SEMA3A: variants seen among roughly 807,000 people sequenced by gnomAD.
SEMA3A encodes semaphorin 3A, also known as semaphorin-3A.
In SEMA3A, 29 loss-of-function variants were observed where a neutral mutation model predicts 97.9. The ratio of observed to expected loss-of-function variants is 0.30; its 90% CI spans 0.22 to 0.40. The LOEUF (loss-of-function observed/expected upper bound fraction) is 0.40, where lower values mean the gene tolerates loss of function less well. Among genes scored for constraint, SEMA3A ranks in the 10% least tolerant of loss-of-function variants. The pLI, the probability that SEMA3A is intolerant of heterozygous loss-of-function variation, is 1.00. For missense variants in SEMA3A, 763 were observed against 951.3 expected (o/e 0.80, Z 2.60); for synonymous variants, 321 against 323.7 (o/e 0.99, Z 0.09).
At chr7:84,104,310 C>CA (rs2115913000) in intron 4 of SEMA3A, among the ~76,000 whole-genome samples, 1 of 152,052 alleles carries the variant, frequency 6.6e-6, no homozygotes, top group African/African-American at 2.4e-5. Flanking sequence ...TAAATTTGTC[C>CA]AAATACTTTA....
chr7:84,225,981 G>A (rs1037260256), intron 3 of SEMA3A, among the ~76,000 whole-genome samples: 1 of 152,030 alleles, frequency 6.6e-6, no homozygotes, highest in Admixed American at 6.6e-5. Context: ...TCCCCTGAGA[G>A]CACAAGTGAA....
intron 1 of SEMA3A, among the ~76,000 whole-genome samples, chr7:84,139,634 T>G (rs1243492610): frequency 6.6e-6 from 1 of 152,078 alleles, no homozygotes; most frequent in African/African-American, 2.4e-5. Context: ...ACGACAAGCT[T>G]TAGTGCATAG....
intron 3 of SEMA3A, among the ~76,000 whole-genome samples, chr7:84,273,523 C>T (rs754220670): frequency 4.6e-5 from 7 of 152,090 alleles, no homozygotes; most frequent in Non-Finnish European, 5.9e-5. Context: ...CGTTTTCCTA[C>T]GTTTACCTGA....
In SEMA3A at chr7:84,361,484, T is replaced by C. The variant is rs371285654; in HGVS notation, c.-169+10340A>G. ...TACTACTCAGCTATGGAGCAATGTT[T>C]ATAATGCAAATAAATATATCTATCC... On this transcript the variant is annotated intron_variant, in intron 2 of 3. Coordinates refer to the SEMA3A transcript ENST00000424555. Among the ~76,000 whole-genome samples, 161 of 152,154 alleles carry C rather than the reference T, an allele frequency of 1.1e-3. 5 individuals are homozygous for C. In the South Asian group the frequency reaches 0.032, roughly 31 times the overall value.
At chr7:84,264,210 T>C (rs190755702) in intron 3 of SEMA3A, among the ~76,000 whole-genome samples, 23 of 152,316 alleles carry the variant, frequency 1.5e-4, no homozygotes, top group Admixed American at 3.9e-4. Context: ...TTCTCAGCTA[T>C]TTGCATAGAT....
intron 3 of SEMA3A, among the ~76,000 whole-genome samples, chr7:84,116,453 C>T (rs1164903812): frequency 6.6e-6 from 1 of 151,996 alleles, no homozygotes; most frequent in Non-Finnish European, 1.5e-5. Context: ...AAGTCAAATG[C>T]CCATAGGGTA....
chr7:84,228,839 T>A (rs1799050969), intron 3 of SEMA3A, among the ~76,000 whole-genome samples: 1 of 152,116 alleles, frequency 6.6e-6, no homozygotes, highest in Non-Finnish European at 1.5e-5. Flanking sequence ...CTTTAAGTCC[T>A]ATGGTTGATC....
At chr7:84,195,024 A>AGAGAGAGAAAGAGAGAGAGAG (rs1798179833), upstream of SEMA3A, 1 of 140,566 alleles carries the variant, frequency 7.1e-6, no homozygotes, top group African/African-American at 2.7e-5. Context: ...GAGAGAGAGA[A>AGAGAGAGAAAGAGAGAGAGAG]AGAGAGAGAG....
intron 1 of SEMA3A, among the ~76,000 whole-genome samples, chr7:84,420,284 G>T (rs1451986185): frequency 1.3e-5 from 2 of 151,080 alleles, no homozygotes; most frequent in African/African-American, 4.9e-5. Flanking sequence ...TATTCTCAAA[G>T]AACTATTAAA....
intron 3 of SEMA3A, among the ~76,000 whole-genome samples, chr7:84,215,433 C>A (rs910311950): frequency 4.9e-4 from 7 of 14,428 alleles, no homozygotes; most frequent in Admixed American, 2.0e-3. Flanking sequence ...GATGATCCGC[C>A]CCCCCCTTGG....
chr7:84,007,640 A>G, intron 9 of SEMA3A, 143 bp from the exon 10 acceptor site: 3 of 718,310 alleles, frequency 4.2e-6, no homozygotes, highest in Non-Finnish European at 6.0e-6. Flanking sequence ...GGATTTTTCT[A>G]GTCACATGTA....
chr7:84,052,566 G>A (rs28823335), intron 5 of SEMA3A, among the ~76,000 whole-genome samples: 84,166 of 151,416 alleles, frequency 0.56, 25,344 homozygotes, highest in Non-Finnish European at 0.67. Context: ...TATCCCCTTT[G>A]TCATTTTTTA....
intron 1 of SEMA3A, among the ~76,000 whole-genome samples, chr7:84,185,576 A>G (rs1478033251): frequency 6.6e-6 from 1 of 151,602 alleles, no homozygotes; most frequent in Non-Finnish European, 1.5e-5. Context: ...CCATAATCCC[A>G]GCTACTCAGG....
chr7:84,436,028 A>T (rs1805119175), intron 1 of SEMA3A, among the ~76,000 whole-genome samples: 1 of 152,196 alleles, frequency 6.6e-6, no homozygotes, highest in Admixed American at 6.5e-5. Context: ...ACAGAACTGC[A>T]CACCTAAAAC....
At chr7:84,126,373 T>A (rs975805073) in intron 3 of SEMA3A, among the ~76,000 whole-genome samples, 1 of 151,968 alleles carries the variant, frequency 6.6e-6, no homozygotes, top group African/African-American at 2.4e-5. Flanking sequence ...GCCTGGCTAA[T>A]TTTTGTATTT....
chr7:84,164,453 G>A (rs1797140071), intron 1 of SEMA3A, among the ~76,000 whole-genome samples: 1 of 151,878 alleles, frequency 6.6e-6, no homozygotes, highest in South Asian at 2.1e-4. Context: ...TCATTCCCTG[G>A]ATGATAATGG....
intron 6 of SEMA3A, among the ~76,000 whole-genome samples, chr7:84,019,175 A>G (rs1225561290): frequency 1.4e-5 from 2 of 146,356 alleles, no homozygotes; most frequent in African/African-American, 2.6e-5. Flanking sequence ...TCTGATTTGA[A>G]TAATTGCTTG....
At chr7:84,081,787 TAAATAA>T (rs1794172772) in intron 4 of SEMA3A, among the ~76,000 whole-genome samples, 1 of 151,942 alleles carries the variant, frequency 6.6e-6, no homozygotes, top group African/African-American at 2.4e-5. Context: ...TACAAGTGTA[TAAATAA>T]ATTCTATATA....
chr7:84,372,732 T>C (rs1803003297), intron 1 of SEMA3A, among the ~76,000 whole-genome samples: 1 of 152,114 alleles, frequency 6.6e-6, no homozygotes, highest in Non-Finnish European at 1.5e-5. Context: ...GACCAAATAA[T>C]TAAAAATATA....
Sources: gnomAD v4.1 joint callset for allele counts (sites outside exome capture counted in the v4.1 genomes callset) on GRCh38, gnomAD v4.1.1 for gene constraint, MANE v1.5 for transcripts, NCBI Gene and HGNC (gene_info 2026-07-23, HGNC 2026-07-21) for gene names.